Variants in LIN52 observed in about 807,000 individuals in gnomAD.
LIN52 encodes the protein protein lin-52 homolog.
Under a neutral mutation model 18.5 loss-of-function variants are expected in LIN52, and 4 were observed. The observed-to-expected ratio is 0.22, with a 90% CI of 0.11 to 0.49. The LOEUF (loss-of-function observed/expected upper bound fraction) is 0.49, where lower values mean the gene tolerates loss of function less well. Ranked by LOEUF, LIN52 falls within the 20% of genes least tolerant of loss-of-function variation. LIN52 has a pLI of 0.97. For synonymous variants in LIN52, 34 were observed against 45.5 expected, an observed-to-expected ratio of 0.75 and a Z score of 1.02; for missense variants, 102 against 139.5, an observed-to-expected ratio of 0.73 and a Z score of 1.35.
intron 5 of LIN52, among the ~76,000 whole-genome samples, chr14:74,104,525 A>G (rs1481738809): frequency 1.3e-5 from 2 of 150,218 alleles, no homozygotes; most frequent in African/African-American, 4.9e-5. Flanking sequence ...AGAGCTTAAC[A>G]TGTTCACCTA....
chr14:74,181,993 G>A (rs1033563486), intron 5 of LIN52, among the ~76,000 whole-genome samples: 3 of 152,080 alleles, frequency 2.0e-5, no homozygotes, highest in African/African-American at 7.2e-5. Flanking sequence ...GATGGCTACT[G>A]TATATTGTGC....
intron 5 of LIN52, among the ~76,000 whole-genome samples, chr14:74,116,904 T>A (rs2060968851): frequency 6.6e-6 from 1 of 151,464 alleles, no homozygotes. Flanking sequence ...TATGTTTTAA[T>A]GACTATCTTG....
intron 5 of LIN52, among the ~76,000 whole-genome samples, chr14:74,184,267 G>A (rs2139588650): frequency 6.6e-6 from 1 of 152,328 alleles, no homozygotes; most frequent in African/African-American, 2.4e-5. Context: ...TTTTTGTGGA[G>A]ATGGGATTTC....
At chr14:74,119,175 T>G (rs1469903905) in intron 5 of LIN52, among the ~76,000 whole-genome samples, 1 of 149,366 alleles carries the variant, frequency 6.7e-6, no homozygotes, top group Non-Finnish European at 1.5e-5. Flanking sequence ...TTTTTTTTTT[T>G]TTTTGAGACA....
intron 5 of LIN52, among the ~76,000 whole-genome samples, chr14:74,126,749 G>A (rs981576168): frequency 1.3e-5 from 2 of 152,196 alleles, no homozygotes; most frequent in Non-Finnish European, 2.9e-5. Flanking sequence ...GGAATGGGGA[G>A]TGACTACTTT....
chr14:74,179,453 A>G (rs2061307638), intron 5 of LIN52, among the ~76,000 whole-genome samples: 1 of 152,146 alleles, frequency 6.6e-6, no homozygotes, highest in Non-Finnish European at 1.5e-5. Flanking sequence ...TGAGGTCAGG[A>G]GTTCGAGACC....
Position 74,122,742 on chromosome 14 carries a change from T to C in LIN52, c.283+21504T>C, listed in dbSNP as rs541740407. On this transcript the variant is annotated intron_variant, in intron 5 of 5. Transcript: ENST00000555028. ...TTAGCTGGGTATGGTGGCAGGCACCTGTAATCCCAAATACTTGGGAGGCTG... is the reference window on the plus strand; with the variant it reads ...TTAGCTGGGTATGGTGGCAGGCACCCGTAATCCCAAATACTTGGGAGGCTG... Among the ~76,000 whole-genome samples the C allele has an allele frequency of 1.6e-4, 24 of 152,276 alleles. No homozygotes were observed. The South Asian group carries it at 4.8e-3, about 30-fold the overall frequency.
chr14:74,190,140 A>T (rs1012365889), intron 5 of LIN52, among the ~76,000 whole-genome samples: 2 of 151,944 alleles, frequency 1.3e-5, no homozygotes, highest in Non-Finnish European at 2.9e-5. Context: ...AAATAATAAA[A>T]TTTTCTTTCT....
intron 1 of LIN52, among the ~76,000 whole-genome samples, chr14:74,090,641 T>C (rs1390393234): frequency 2.0e-5 from 3 of 152,190 alleles, no homozygotes; most frequent in African/African-American, 7.2e-5. Flanking sequence ...GGCTGGGGTT[T>C]TTTTTTGAAA....
At chr14:74,168,326 G>A (rs1352329025) in intron 5 of LIN52, among the ~76,000 whole-genome samples, 6 of 152,092 alleles carry the variant, frequency 3.9e-5, no homozygotes, top group Non-Finnish European at 8.8e-5. Context: ...AATGGAGATA[G>A]CAATGCTATT....
At chr14:74,097,705 G>A (rs780317519) in intron 3 of LIN52, 89 bp from the exon 4 acceptor site, 14 of 941,308 alleles carry the variant, frequency 1.5e-5, no homozygotes, top group Admixed American at 2.3e-5. Context: ...GGCAGCCACC[G>A]CATCCGGCCC....
At chr14:74,186,387 A>G (rs973889818) in intron 5 of LIN52, among the ~76,000 whole-genome samples, 2 of 152,188 alleles carry the variant, frequency 1.3e-5, no homozygotes, top group African/African-American at 4.8e-5. Flanking sequence ...ATTGTTGATC[A>G]CCTACCATAT....
intron 5 of LIN52, among the ~76,000 whole-genome samples, chr14:74,130,284 T>TTTTTTG (rs1566856551): frequency 1.6e-5 from 2 of 127,938 alleles, no homozygotes; most frequent in Non-Finnish European, 3.3e-5. Context: ...TTTGGTTTTT[T>TTTTTTG]TTTTTTTTTT....
intron 5 of LIN52, among the ~76,000 whole-genome samples, chr14:74,160,737 C>T (rs1417975164): frequency 2.0e-5 from 3 of 152,192 alleles, no homozygotes; most frequent in Non-Finnish European, 2.9e-5. Context: ...CAATCTAATA[C>T]TCTCTGGGCA....
intron 5 of LIN52, among the ~76,000 whole-genome samples, chr14:74,151,767 C>T (rs2061177679): frequency 6.6e-6 from 1 of 152,142 alleles, no homozygotes; most frequent in Admixed American, 6.6e-5. Context: ...GATCAATTAA[C>T]AAACTAATCA....
intron 5 of LIN52, among the ~76,000 whole-genome samples, chr14:74,197,324 TAAAG>T (rs2078919340): frequency 6.6e-6 from 1 of 152,074 alleles, no homozygotes; most frequent in Non-Finnish European, 1.5e-5. Flanking sequence ...AGAGCAAGGA[TAAAG>T]AAATGAGGAA....
rs115714060 is a variant in LIN52, at chr14:74,123,789, G to C, written c.283+22551G>C. ...AAGTTACCAAAAGACCATGGCTTCT[G>C]TTCTCCCCTTCATCCCCCAGAGAAG... On this transcript the variant is annotated intron_variant, in intron 5 of 5. Coordinates refer to ENST00000555028, the MANE Select transcript of LIN52 (RefSeq NM_001024674.3). Among the ~76,000 whole-genome samples, 4 of 152,228 alleles carry C rather than the reference G, an allele frequency of 2.6e-5. No homozygotes were observed. In the East Asian group the frequency reaches 7.7e-4, roughly 29 times the overall value.
At chr14:74,090,726 A>T (rs1378617251) in intron 1 of LIN52, among the ~76,000 whole-genome samples, 1 of 152,110 alleles carries the variant, frequency 6.6e-6, no homozygotes, top group African/African-American at 2.4e-5. Context: ...CTTATTTTGT[A>T]AAGTTTTATT....
intron 5 of LIN52, among the ~76,000 whole-genome samples, chr14:74,133,179 G>T (rs2061078215): frequency 6.6e-6 from 1 of 152,198 alleles, no homozygotes; most frequent in Non-Finnish European, 1.5e-5. Flanking sequence ...AAGTTAGTTG[G>T]TAAAAACTGT....
Sources: gnomAD v4.1 joint callset for allele counts (sites outside exome capture counted in the v4.1 genomes callset) on GRCh38, gnomAD v4.1.1 for gene constraint, MANE v1.5 for transcripts, NCBI Gene and HGNC (gene_info 2026-07-23, HGNC 2026-07-21) for gene names.